Variants in SOX5 observed in about 807,000 individuals in gnomAD.
SOX5 encodes transcription factor SOX-5.
In SOX5, 9 loss-of-function variants were observed where a neutral mutation model predicts 92.0. The ratio of observed to expected loss-of-function variants is 0.10; its 90% CI spans 0.06 to 0.17. SOX5 has a LOEUF of 0.17. Ranked by LOEUF, SOX5 falls within the 10% of genes least tolerant of loss-of-function variation. The probability of loss-of-function intolerance (pLI) is 1.00; values close to 1 mark genes in which losing one functional copy is unlikely to be tolerated. For synonymous variants in SOX5, 344 were observed against 336.3 expected, an observed-to-expected ratio of 1.02 and a Z score of -0.25; for missense variants, 642 against 944.5, an observed-to-expected ratio of 0.68 and a Z score of 4.20.
At chr12:23,597,604 A>G (rs1407506150) in intron 9 of SOX5, among the ~76,000 whole-genome samples, 2 of 152,346 alleles carry the variant, frequency 1.3e-5, no homozygotes, top group South Asian at 2.1e-4. Context: ...ACTATGTTAT[A>G]TCCACTGTAA....
At chr12:23,539,648 G>A (rs536159065) in intron 13 of SOX5, among the ~76,000 whole-genome samples, 2 of 151,214 alleles carry the variant, frequency 1.3e-5, no homozygotes, top group African/African-American at 4.9e-5. Context: ...TGTATGTAAA[G>A]AAATGGGATA....
At chr12:24,404,862 G>A (rs1962555022) in intron 1 of SOX5, among the ~76,000 whole-genome samples, 1 of 152,170 alleles carries the variant, frequency 6.6e-6, no homozygotes. Flanking sequence ...CTTTGTGGAT[G>A]TAATTAGTTA....
intron 4 of SOX5, among the ~76,000 whole-genome samples, chr12:24,090,240 C>G (rs913990478): frequency 5.3e-5 from 8 of 152,078 alleles, no homozygotes; most frequent in African/African-American, 1.9e-4. Context: ...CTATAGTTTA[C>G]AAGTGCCCTT....
Position 24,091,428 on chromosome 12 carries a change from A to ATTTTTTTT in SOX5, c.-2+121907_-2+121914dup, listed in dbSNP as rs556198750. Among the ~76,000 whole-genome samples the ATTTTTTTT allele has an allele frequency of 3.1e-3, 375 of 122,616 alleles. 6 individuals carry two copies. Among genetic ancestry groups the ATTTTTTTT allele is most frequent in the African/African-American group, 0.011 (358 of 32,384 alleles). The allele number at this position is 122,616 out of a possible 152,430, so 80.4% of individuals were successfully genotyped here. Reference sequence around the variant, plus strand: ...AAGCATAAAGTAAATAGAGAATGCTATTTTTTTTTTTTTTTTTTTGAGATG... The same window carrying ATTTTTTTT: ...AAGCATAAAGTAAATAGAGAATGCTATTTTTTTTTTTTTTTTTTTTTTTTTTTGAGATG... On this transcript the variant is annotated intron_variant, in intron 4 of 4. Transcript: ENST00000446891.
chr12:24,361,715 T>C (rs1045616287), intron 2 of SOX5, among the ~76,000 whole-genome samples: 1 of 152,140 alleles, frequency 6.6e-6, no homozygotes, highest in African/African-American at 2.4e-5. Context: ...TAAACCCCTA[T>C]AAGAAAAAGT....
At chr12:24,272,904 CCTCTT>C (rs1943943151) in intron 3 of SOX5, among the ~76,000 whole-genome samples, 1 of 147,696 alleles carries the variant, frequency 6.8e-6, no homozygotes, top group Non-Finnish European at 1.5e-5. Context: ...CGGATTGTTA[CCTCTT>C]CTATCTTTTG....
At chr12:24,056,561 G>A (rs1260672866) in intron 4 of SOX5, among the ~76,000 whole-genome samples, 2 of 152,048 alleles carry the variant, frequency 1.3e-5, no homozygotes, top group Non-Finnish European at 2.9e-5. Flanking sequence ...CAGAAACTTC[G>A]ATTCAATTCA....
intron 2 of SOX5, among the ~76,000 whole-genome samples, chr12:24,364,296 A>G (rs551336343): frequency 3.3e-5 from 5 of 152,064 alleles, no homozygotes; most frequent in African/African-American, 1.2e-4. Context: ...ACATCTGTAA[A>G]TGCATTTCGT....
chr12:23,724,541 T>G (rs961684136), intron 6 of SOX5, among the ~76,000 whole-genome samples: 1 of 152,198 alleles, frequency 6.6e-6, no homozygotes, highest in Admixed American at 6.6e-5. Flanking sequence ...GTTCATGGTT[T>G]ACAAATCCTA....
intron 4 of SOX5, among the ~76,000 whole-genome samples, chr12:24,002,429 T>G (rs1051843334): frequency 1.3e-5 from 2 of 152,044 alleles, no homozygotes; most frequent in African/African-American, 4.8e-5. Flanking sequence ...AGGCATTCAT[T>G]GAAAAACGTG....
chr12:23,824,232 T>G (rs2096183792), intron 3 of SOX5, among the ~76,000 whole-genome samples: 1 of 152,204 alleles, frequency 6.6e-6, no homozygotes, highest in Non-Finnish European at 1.5e-5. Flanking sequence ...TTTTGAGCTG[T>G]TTTTTCCTCA....
chr12:24,480,077 A>C (rs190972248), intron 1 of SOX5, among the ~76,000 whole-genome samples: 1 of 152,322 alleles, frequency 6.6e-6, no homozygotes, highest in Admixed American at 6.5e-5. Flanking sequence ...AATCGAATGG[A>C]ACAGAATAGA....
At chr12:24,282,383 A>T (rs915538643) in intron 2 of SOX5, among the ~76,000 whole-genome samples, 1 of 150,226 alleles carries the variant, frequency 6.7e-6, no homozygotes. Flanking sequence ...AATAAAAATT[A>T]AAAAATAAAT....
intron 3 of SOX5, among the ~76,000 whole-genome samples, chr12:24,260,753 A>C (rs1941971858): frequency 1.3e-5 from 2 of 152,194 alleles, no homozygotes; most frequent in South Asian, 4.1e-4. Context: ...TGAAATTCTA[A>C]GTGATTAACA....
At position 24,018,292 on chromosome 12, in the gene SOX5, T is replaced by A. The variant is rs184459357; in HGVS notation, c.-1-122268A>T. On this transcript the variant is annotated intron_variant, in intron 4 of 4. Coordinates refer to the SOX5 transcript ENST00000446891. ...GTTGCTGTTTTATCATTTGCTTAGA[T>A]TTTTTTTACCTGCAATTTTCTACGT... 2.3e-3 allele frequency among the ~76,000 whole-genome samples: 344 copies of A among 152,186 alleles called. 1 individual carries two copies. The highest frequency in any genetic ancestry group is 3.8e-3 in the Non-Finnish European group (260 of 68,012).
At chr12:24,088,247 G>GA (rs1228650469) in intron 4 of SOX5, among the ~76,000 whole-genome samples, 2 of 151,936 alleles carry the variant, frequency 1.3e-5, no homozygotes, top group Non-Finnish European at 2.9e-5. Flanking sequence ...AGATTTTAGG[G>GA]AAAACTGATG....
At chr12:24,006,093 A>T (rs12312384) in intron 4 of SOX5, among the ~76,000 whole-genome samples, 44,845 of 152,072 alleles carry the variant, frequency 0.29, 6,826 homozygotes, top group Middle Eastern at 0.43. Context: ...GTAATAATCT[A>T]CAATGGGAAA....
At chr12:23,779,465 A>C (rs997611272) in intron 3 of SOX5, among the ~76,000 whole-genome samples, 1 of 151,222 alleles carries the variant, frequency 6.6e-6, no homozygotes, top group African/African-American at 2.4e-5. Flanking sequence ...AATAAATGTT[A>C]ATACACATAT....
intron 2 of SOX5, among the ~76,000 whole-genome samples, chr12:24,300,439 T>C (rs920948125): frequency 6.6e-6 from 1 of 152,170 alleles, no homozygotes; most frequent in Non-Finnish European, 1.5e-5. Context: ...ACAAGAGAGA[T>C]GTGTGAGCTA....
Sources: allele counts gnomAD v4.1 joint callset (sites outside exome capture counted in the v4.1 genomes callset), GRCh38; gene constraint gnomAD v4.1.1; transcripts MANE v1.5; gene names NCBI Gene and HGNC (gene_info 2026-07-23, HGNC 2026-07-21).